The following CTNNA3 variants were observed in gnomAD, a reference collection of about 807,000 sequenced individuals.
CTNNA3 encodes the protein catenin alpha 3, also known as catenin alpha-3.
Under a neutral mutation model 95.7 loss-of-function variants are expected in CTNNA3, and 76 were observed. That is an observed-to-expected ratio of 0.79 (90% CI 0.66 to 0.96). CTNNA3 has a LOEUF of 0.96. Among genes scored for constraint, CTNNA3 ranks in the 40% least tolerant of loss-of-function variants. The probability of loss-of-function intolerance (pLI) is 0.00; values close to 1 mark genes in which losing one functional copy is unlikely to be tolerated. For synonymous variants in CTNNA3, 431 were observed against 374.4 expected (o/e 1.15, Z -1.74); for missense variants, 1,191 against 1,089.8 (o/e 1.09, Z -1.31).
Position 67,539,640 on chromosome 10 carries a change from ATC to A in CTNNA3, c.320_321del (p.Arg107IlefsTer4). Reference protein sequence around the residue: ...ESEALKVSAERFTDDPCFLPK... With the variant: ...ESEALKVSAEXFTDDPCFLPK... The stretch of plus-strand genomic sequence containing the variant: ...GGGAGAAAACAGGGGTCATCTGTAA[ATC>A]TCTCAGCTGATACTTTCAGAGCTTC... On this transcript the variant is annotated frameshift_variant, in exon 4 of 18. Coordinates refer to ENST00000433211, the MANE Select transcript of CTNNA3 (RefSeq NM_013266.4). LOFTEE classifies it high-confidence loss of function. 6.2e-7 allele frequency: 1 copy of A among 1,613,728 alleles called. No homozygotes were observed. Among genetic ancestry groups the A allele is most frequent in the Non-Finnish European group, 8.5e-7 (1 of 1,179,708 alleles).
intron 12 of CTNNA3, among the ~76,000 whole-genome samples, chr10:66,308,527 G>T (rs1353742547): frequency 2.6e-5 from 4 of 152,078 alleles, no homozygotes; most frequent in African/African-American, 9.7e-5. Context: ...ATCTGAAAAA[G>T]ATAGCAATTT....
intron 9 of CTNNA3, among the ~76,000 whole-genome samples, chr10:66,651,087 G>A (rs989530862): frequency 6.6e-6 from 1 of 152,162 alleles, no homozygotes; most frequent in Non-Finnish European, 1.5e-5. Flanking sequence ...AGTTCTGGAA[G>A]TCCCCACTAG....
At chr10:66,793,064 T>A (rs576725028) in intron 7 of CTNNA3, among the ~76,000 whole-genome samples, 3 of 151,992 alleles carry the variant, frequency 2.0e-5, no homozygotes, top group Non-Finnish European at 2.9e-5. Context: ...GAGAATTAGG[T>A]TTGTAATCTA....
intron 7 of CTNNA3, among the ~76,000 whole-genome samples, chr10:66,968,043 C>G (rs73331684): frequency 0.022 from 3,305 of 152,136 alleles, 138 homozygotes; most frequent in African/African-American, 0.073. Flanking sequence ...AATTTATACT[C>G]TGAGCATGAA....
intron 15 of CTNNA3, 37 bp from the exon 16 acceptor site, chr10:65,988,834 A>T (rs764408326): frequency 7.0e-7 from 1 of 1,432,056 alleles, no homozygotes; most frequent in South Asian, 1.2e-5. Flanking sequence ...TGTGGTGTTC[A>T]TGAGAAAATA....
At chr10:67,168,871 T>C (rs935940005) in intron 7 of CTNNA3, among the ~76,000 whole-genome samples, 1 of 152,220 alleles carries the variant, frequency 6.6e-6, no homozygotes, top group African/African-American at 2.4e-5. Flanking sequence ...TGATTCTATA[T>C]GTAGAAAACC....
At chr10:67,418,281 T>C (rs1845614743) in intron 5 of CTNNA3, among the ~76,000 whole-genome samples, 1 of 152,164 alleles carries the variant, frequency 6.6e-6, no homozygotes, top group African/African-American at 2.4e-5. Context: ...AGTGCAACTA[T>C]TATAAGAAAT....
chr10:67,180,057 T>A (rs1214450536), intron 7 of CTNNA3, among the ~76,000 whole-genome samples: 1 of 152,150 alleles, frequency 6.6e-6, no homozygotes, highest in African/African-American at 2.4e-5. Context: ...CTGATTCCCT[T>A]CTTCAACTAA....
At chr10:67,297,715 A>AT (rs1311733934) in intron 5 of CTNNA3, among the ~76,000 whole-genome samples, 6 of 152,184 alleles carry the variant, frequency 3.9e-5, no homozygotes, top group African/African-American at 1.4e-4. Flanking sequence ...TGCTCTTAAT[A>AT]TGCCACATCT....
chr10:66,248,135 T>C (rs2090410832), intron 13 of CTNNA3, among the ~76,000 whole-genome samples: 1 of 152,166 alleles, frequency 6.6e-6, no homozygotes, highest in South Asian at 2.1e-4. Context: ...TTAGTTTTTT[T>C]CTCATTTGTT....
intron 5 of CTNNA3, among the ~76,000 whole-genome samples, chr10:67,506,458 A>G (rs1268879310): frequency 6.6e-6 from 1 of 152,200 alleles, no homozygotes; most frequent in East Asian, 1.9e-4. Context: ...AAATAACAGA[A>G]CAAACTAAAC....
At chr10:67,581,625 G>C (rs1194824295) in intron 3 of CTNNA3, among the ~76,000 whole-genome samples, 1 of 152,208 alleles carries the variant, frequency 6.6e-6, no homozygotes, top group Non-Finnish European at 1.5e-5. Flanking sequence ...AATAGTTTCA[G>C]AAGGAATGGT....
chr10:66,192,390 A>C lies in CTNNA3; in HGVS notation c.1884+88080T>G, dbSNP rs534546232. Among the ~76,000 whole-genome samples the C allele has an allele frequency of 3.9e-5, 6 of 152,322 alleles. No individual in the cohort carries two copies. The South Asian group carries it at 1.2e-3, about 32-fold the overall frequency. On this transcript the variant is annotated intron_variant, in intron 13 of 17. Coordinates refer to ENST00000433211, the MANE Select transcript of CTNNA3 (RefSeq NM_013266.4). ...AGCAAATATTTGAGTGCTACAGAATAAGAAGAGCCTTGAGAAAAATCACTC... is the reference window on the plus strand; with the variant it reads ...AGCAAATATTTGAGTGCTACAGAATCAGAAGAGCCTTGAGAAAAATCACTC...
intron 6 of CTNNA3, among the ~76,000 whole-genome samples, chr10:67,208,160 C>A (rs1463991793): frequency 6.6e-6 from 1 of 152,000 alleles, no homozygotes; most frequent in Non-Finnish European, 1.5e-5. Context: ...ATCACGAGGT[C>A]AGGAGTCCAA....
chr10:67,150,927 T>C (rs917357938), intron 7 of CTNNA3, among the ~76,000 whole-genome samples: 1 of 152,180 alleles, frequency 6.6e-6, no homozygotes, highest in African/African-American at 2.4e-5. Context: ...TTCTTTTAAG[T>C]TCATAAATGG....
chr10:67,104,964 A>G (rs1053678551), intron 7 of CTNNA3, among the ~76,000 whole-genome samples: 5 of 152,066 alleles, frequency 3.3e-5, no homozygotes, highest in Non-Finnish European at 5.9e-5. Context: ...TGAAATATCT[A>G]GAATAATTCT....
intron 14 of CTNNA3, among the ~76,000 whole-genome samples, chr10:66,081,123 A>AAGT: frequency 6.6e-6 from 1 of 152,282 alleles, no homozygotes; most frequent in South Asian, 2.1e-4. Flanking sequence ...TCAGAAGTCA[A>AAGT]CCAATGAACC....
At chr10:65,934,952 A>G (rs1014176560) in intron 17 of CTNNA3, among the ~76,000 whole-genome samples, 28 of 152,210 alleles carry the variant, frequency 1.8e-4, no homozygotes, top group African/African-American at 6.3e-4. Context: ...GCCTAAGAGA[A>G]ACACAGTAAC....
chr10:66,564,327 A>G (rs1461908788), intron 10 of CTNNA3, among the ~76,000 whole-genome samples: 2 of 152,148 alleles, frequency 1.3e-5, no homozygotes, highest in Non-Finnish European at 2.9e-5. Context: ...CATAATGAGC[A>G]GATGTACAAT....
Sources: gnomAD v4.1 joint callset for allele counts (sites outside exome capture counted in the v4.1 genomes callset) on GRCh38, gnomAD v4.1.1 for gene constraint, MANE v1.5 for transcripts, NCBI Gene and HGNC (gene_info 2026-07-23, HGNC 2026-07-21) for gene names.